Variants in EXOC5 observed in about 807,000 individuals in gnomAD.
The protein encoded by EXOC5 is SEC10-like 1.
A neutral mutation model predicts 90.8 loss-of-function variants in EXOC5; 17 were observed. The observed-to-expected ratio is 0.19, with a 90% CI of 0.13 to 0.28. EXOC5 has a LOEUF of 0.28. EXOC5 is among the 10% of genes least tolerant of loss of function. The pLI is 1.00. For missense variants in EXOC5, 569 were observed against 830.6 expected (o/e 0.69, Z 3.87); for synonymous variants, 260 against 270.0 (o/e 0.96, Z 0.36).
At chr14:57,268,475 C>G (rs948930593) in intron 1 of EXOC5, 147 bp downstream of exon 1, 1 of 1,503,368 alleles carries the variant, frequency 6.7e-7, no homozygotes, top group Non-Finnish European at 8.9e-7. Context: ...CGCGCTGACA[C>G]GGAGCTGCCA....
At chr14:57,241,861 C>T (rs576741965) in intron 4 of EXOC5, among the ~76,000 whole-genome samples, 2 of 151,986 alleles carry the variant, frequency 1.3e-5, no homozygotes, top group African/African-American at 2.4e-5. Flanking sequence ...AGACCAGGTG[C>T]GGTGGCTCAT....
Position 57,237,367 on chromosome 14 carries a change from C to T in EXOC5, c.531-1G>A. ...AATTTTGGATTTAACTTCTGAAAAT[C>T]TGAAAGACAAAAACCAACCATGAGG... On this transcript the variant is annotated splice_acceptor_variant, in intron 5 of 17. Transcript: ENST00000621441. LOFTEE classifies it high-confidence loss of function. 2 of 1,522,318 alleles carry T rather than the reference C, an allele frequency of 1.3e-6. No homozygotes were observed. Among genetic ancestry groups the T allele is most frequent in the Non-Finnish European group, 1.8e-6 (2 of 1,121,612 alleles). 94.3% of individuals were successfully genotyped at this position (1,522,318 alleles called of 1,614,324 possible).
In EXOC5 at chr14:57,204,350, G is replaced by A. The variant is rs1346190809; in HGVS notation, c.*4259C>T. 3 of 152,010 alleles carry A rather than the reference G, an allele frequency of 2.0e-5. No homozygotes were observed. Among genetic ancestry groups the A allele is most frequent in the Non-Finnish European group, 4.4e-5 (3 of 67,946 alleles). The allele number at this position is 152,010 out of a possible 1,614,324, so 9.4% of individuals were successfully genotyped here. ...TGTAAAGAGAAATGATTGATCACTGGTAGAAATAAAAGGTAAGAGTTATGA... is the reference window on the plus strand; with the variant it reads ...TGTAAAGAGAAATGATTGATCACTGATAGAAATAAAAGGTAAGAGTTATGA... On this transcript the variant is annotated 3_prime_UTR_variant, in exon 18 of 18. Coordinates refer to ENST00000621441, the MANE Select transcript of EXOC5 (RefSeq NM_006544.4).
rs927110760 is a variant in EXOC5 at position 57,202,777 on chromosome 14, T to TGCAC, written c.*5828_*5831dup. ...ACTTTCAGAATCTTGTTTACACACA[T>TGCAC]GCACACACACACATAATTGGGATAG... On this transcript the variant is annotated 3_prime_UTR_variant, in exon 18 of 18. Coordinates refer to ENST00000621441, the MANE Select transcript of EXOC5 (RefSeq NM_006544.4). 1 of 152,224 alleles carries TGCAC rather than the reference T, an allele frequency of 6.6e-6. No individual in the cohort carries two copies. The highest frequency in any genetic ancestry group is 1.5e-5 in the Non-Finnish European group (1 of 68,034). 9.4% of individuals were successfully genotyped at this position (152,224 alleles called of 1,614,324 possible).
rs527431736 is a variant in EXOC5, at chr14:57,246,049, T to TA, written c.270+661dup. On this transcript the variant is annotated intron_variant, in intron 3 of 17. Transcript: ENST00000621441. ...TGGGCGACAGAGTAAAACTCTGTCTTAAAAAAAAAAGGGGGGAATCAAATT... is the reference window on the plus strand; with the variant it reads ...TGGGCGACAGAGTAAAACTCTGTCTTAAAAAAAAAAAGGGGGGAATCAAATT... 2.1e-3 allele frequency among the ~76,000 whole-genome samples: 302 copies of TA among 146,318 alleles called. 3 individuals are homozygous for TA. The highest frequency in any genetic ancestry group is 0.012 in the South Asian group (55 of 4,576).
intron 1 of EXOC5, among the ~76,000 whole-genome samples, chr14:57,256,382 T>C (rs934294833): frequency 1.3e-5 from 2 of 152,070 alleles, no homozygotes; most frequent in African/African-American, 4.8e-5. Flanking sequence ...GAGGTACCAG[T>C]TGAAGGTAAG....
chr14:57,234,206 T>C (rs1883579348), intron 7 of EXOC5, among the ~76,000 whole-genome samples, 174 bp from the exon 8 acceptor site: 1 of 152,112 alleles, frequency 6.6e-6, no homozygotes, highest in Admixed American at 6.6e-5. Context: ...TTGATAAAGG[T>C]ATCGTCTCCC....
intron 1 of EXOC5, chr14:57,268,303 G>A: frequency 1.8e-6 from 1 of 545,924 alleles, no homozygotes; most frequent in African/African-American, 2.0e-5. Context: ...CTACTCATCC[G>A]GAGTAGACAT....
rs1255487042 is a variant in EXOC5 at position 57,203,980 on chromosome 14, T to C, written c.*4629A>G. 6.6e-6 allele frequency: 1 copy of C among 152,590 alleles called. No individual in the cohort carries two copies. Among genetic ancestry groups the C allele is most frequent in the Non-Finnish European group, 1.5e-5 (1 of 68,000 alleles). 9.5% of individuals were successfully genotyped at this position (152,590 alleles called of 1,614,324 possible). On this transcript the variant is annotated 3_prime_UTR_variant, in exon 18 of 18. Coordinates refer to ENST00000621441, the MANE Select transcript of EXOC5 (RefSeq NM_006544.4). ...GCAAAATCTATGCCTTCTGAATAAA[T>C]GACTTTCCTCTGAGGTTGACTGCTA...
rs1882496047 is a variant in EXOC5, at chr14:57,201,432, ACAC to A, written c.*7174_*7176del. On this transcript the variant is annotated 3_prime_UTR_variant, in exon 18 of 18. Coordinates refer to ENST00000621441, the MANE Select transcript of EXOC5 (RefSeq NM_006544.4). Reference sequence around the variant, plus strand: ...AATTCTGATTAGTATATATATATACACACACACACGTGTGTATATATACACACG... The same window carrying A: ...AATTCTGATTAGTATATATATATACAACACACGTGTGTATATATACACACG... 1 of 82,462 alleles carries A rather than the reference ACAC, an allele frequency of 1.2e-5. No homozygotes were observed. Among genetic ancestry groups the A allele is most frequent in the African/African-American group, 2.5e-4 (1 of 3,962 alleles). The allele number at this position is 82,462 out of a possible 1,614,324, so 5.1% of individuals were successfully genotyped here.
chr14:57,242,771 A>C (rs936079072), intron 4 of EXOC5, among the ~76,000 whole-genome samples: 1 of 152,192 alleles, frequency 6.6e-6, no homozygotes, highest in Non-Finnish European at 1.5e-5. Context: ...CTAATACTAT[A>C]TGAGTTCTTA....
intron 6 of EXOC5, among the ~76,000 whole-genome samples, chr14:57,236,909 TA>T (rs11380256): frequency 2.4e-4 from 34 of 144,612 alleles, no homozygotes; most frequent in Non-Finnish European, 2.3e-4. Flanking sequence ...TATATAATCT[TA>T]AAAAAAAAAA....
intron 4 of EXOC5, among the ~76,000 whole-genome samples, chr14:57,242,218 T>G (rs1883889910): frequency 6.6e-6 from 1 of 151,990 alleles, no homozygotes; most frequent in African/African-American, 2.4e-5. Context: ...GGGTTTTTTT[T>G]GTTTTTGTTT....
chr14:57,209,496 T>C, intron 17 of EXOC5, 71 bp downstream of exon 17: 2 of 780,928 alleles, frequency 2.6e-6, no homozygotes, highest in South Asian at 1.8e-5. Context: ...TATAAGTAAA[T>C]AGTGATTTTT....
At chr14:57,235,566 T>C in intron 7 of EXOC5, 145 bp downstream of exon 7, 1 of 496,966 alleles carries the variant, frequency 2.0e-6, no homozygotes, top group Non-Finnish European at 3.6e-6. Flanking sequence ...TTACAGAGTA[T>C]CAAATGTACA....
chr14:57,251,673 A>T (rs1371625294), intron 1 of EXOC5, among the ~76,000 whole-genome samples: 1 of 152,030 alleles, frequency 6.6e-6, no homozygotes, highest in Non-Finnish European at 1.5e-5. Flanking sequence ...AACTAAAGCC[A>T]AAGCTAACAG....
chr14:57,200,757 T>TAAAAAA lies in EXOC5; in HGVS notation c.*7846_*7851dup, dbSNP rs3048720. 6.0e-5 allele frequency: 8 copies of TAAAAAA among 134,298 alleles called. No homozygotes were observed. Among genetic ancestry groups the TAAAAAA allele is most frequent in the African/African-American group, 1.8e-4 (7 of 38,998 alleles). The allele number at this position is 134,298 out of a possible 1,614,324, so 8.3% of individuals were successfully genotyped here. A position where few individuals can be genotyped will look rare whatever the true frequency, so the allele number is the denominator to read the frequency against. On this transcript the variant is annotated 3_prime_UTR_variant, in exon 18 of 18. Transcript: ENST00000621441. ...AGCTTTACTAATTTGCTCACTACAT[T>TAAAAAA]AAAAAAAAAAAAAAAAAACTTCCAC...
At chr14:57,266,679 T>TTA (rs10631741) in intron 1 of EXOC5, among the ~76,000 whole-genome samples, 24,674 of 149,902 alleles carry the variant, frequency 0.16, 4,153 homozygotes, top group African/African-American at 0.44. Context: ...CTAAATTACA[T>TTA]TATATATATG....
intron 1 of EXOC5, among the ~76,000 whole-genome samples, chr14:57,265,752 C>T (rs1017681859): frequency 2.0e-5 from 3 of 152,080 alleles, no homozygotes; most frequent in African/African-American, 7.2e-5. Flanking sequence ...ATTTCTGAGC[C>T]CAGCCACTTT....
Sources: gnomAD v4.1 joint callset for allele counts (sites outside exome capture counted in the v4.1 genomes callset) on GRCh38, gnomAD v4.1.1 for gene constraint, MANE v1.5 for transcripts, NCBI Gene and HGNC (gene_info 2026-07-23, HGNC 2026-07-21) for gene names.